The following CCDC33 variants were observed in gnomAD, a reference collection of about 807,000 sequenced individuals.
The protein encoded by CCDC33 is coiled-coil domain containing 33, also known as coiled-coil domain-containing protein 33.
CCDC33 carries 94 observed loss-of-function variants against 91.9 expected under a neutral mutation model. That is an observed-to-expected ratio of 1.02 (90% CI 0.87 to 1.21). The LOEUF (loss-of-function observed/expected upper bound fraction) is 1.21, where lower values mean the gene tolerates loss of function less well. CCDC33 is among the 50% of genes most tolerant of loss of function. The pLI is 0.00. For synonymous variants in CCDC33, 396 were observed against 374.5 expected, an observed-to-expected ratio of 1.06 and a Z score of -0.66; for missense variants, 940 against 935.5, an observed-to-expected ratio of 1.00 and a Z score of -0.06.
intron 1 of CCDC33, chr15:74,207,561 C>A: frequency 1.2e-6 from 1 of 823,342 alleles, no homozygotes; most frequent in Non-Finnish European, 1.9e-6. Flanking sequence ...CCCATCTCAG[C>A]CCTTGACTCT....
chr15:74,282,056 C>T (rs1397639375), intron 10 of CCDC33, among the ~76,000 whole-genome samples: 2 of 152,194 alleles, frequency 1.3e-5, no homozygotes, highest in Non-Finnish European at 2.9e-5. Context: ...CAGAGGGCCA[C>T]CCAGACCTTG....
intron 10 of CCDC33, among the ~76,000 whole-genome samples, chr15:74,284,028 T>G (rs1290928934): frequency 6.6e-6 from 1 of 152,248 alleles, no homozygotes; most frequent in Non-Finnish European, 1.5e-5. Flanking sequence ...GAACTATTTC[T>G]TGGTAAACTA....
At position 74,226,866 on chromosome 15, in the gene CCDC33, G is replaced by A. The variant is rs531117766; in HGVS notation, c.675+8005G>A. On this transcript the variant is annotated intron_variant, in intron 2 of 2. Transcript: ENST00000635913. ...AAAGGTGGAGGACAGTGTGAGCAAA[G>A]GCGTGGAGGTATTCGAGGGACAAGC... 2.0e-5 allele frequency among the ~76,000 whole-genome samples: 3 copies of A among 152,054 alleles called. No homozygotes were observed. In the East Asian group the frequency reaches 5.8e-4, roughly 29 times the overall value.
At chr15:74,305,504 A>G (rs1269046783) in intron 11 of CCDC33, among the ~76,000 whole-genome samples, 1 of 152,150 alleles carries the variant, frequency 6.6e-6, no homozygotes, top group Non-Finnish European at 1.5e-5. Flanking sequence ...ACAGCATGAA[A>G]AGGAGCATCA....
chr15:74,309,390 C>A (rs80066185), intron 11 of CCDC33, among the ~76,000 whole-genome samples: 1 of 152,196 alleles, frequency 6.6e-6, no homozygotes, highest in Non-Finnish European at 1.5e-5. Context: ...AGTGTGTGCT[C>A]ACTGAATGCA....
chr15:74,204,952 G>T (rs576527624), intron 1 of CCDC33, among the ~76,000 whole-genome samples: 5 of 152,100 alleles, frequency 3.3e-5, no homozygotes, highest in South Asian at 4.2e-4. Context: ...AAGAAAGAAA[G>T]AAAGAAAAGA....
chr15:74,334,527 G>A (rs751368291), intron 17 of CCDC33, among the ~76,000 whole-genome samples: 1 of 149,826 alleles, frequency 6.7e-6, no homozygotes, highest in East Asian at 1.9e-4. Context: ...TGCAGCCAGG[G>A]TTAGGATTCA....
intron 10 of CCDC33, among the ~76,000 whole-genome samples, chr15:74,287,098 G>A (rs1478474917): frequency 6.6e-6 from 1 of 152,138 alleles, no homozygotes; most frequent in African/African-American, 2.4e-5. Flanking sequence ...TGGATTTTTT[G>A]TAAGCCACAC....
intron 6 of CCDC33, among the ~76,000 whole-genome samples, chr15:74,272,270 T>A (rs1035371369): frequency 6.6e-6 from 1 of 152,162 alleles, no homozygotes; most frequent in African/African-American, 2.4e-5. Context: ...TTCACAGCCT[T>A]TAGCCCTGCC....
Position 74,283,169 on chromosome 15 carries a change from C to G in CCDC33, c.1095+1320C>G, listed in dbSNP as rs559810139. Among the ~76,000 whole-genome samples, 6 of 152,286 alleles carry G rather than the reference C, an allele frequency of 3.9e-5. No homozygotes were observed. In the East Asian group the frequency reaches 1.2e-3, roughly 29 times the overall value. On this transcript the variant is annotated intron_variant, in intron 10 of 18. Transcript: ENST00000398814. The stretch of plus-strand genomic sequence containing the variant: ...CCTGCTATAGGTGTTCAGGATTGCC[C>G]TCTCAAGGGTAGAAGCAACAAACCC...
At chr15:74,304,936 G>A (rs550496946) in intron 11 of CCDC33, among the ~76,000 whole-genome samples, 1 of 137,196 alleles carries the variant, frequency 7.3e-6, no homozygotes, top group African/African-American at 2.5e-5. Context: ...ACCTGCTTCT[G>A]CTTCTTCTTC....
intron 5 of CCDC33, 37 bp downstream of exon 5, chr15:74,268,495 G>GGT: frequency 7.1e-7 from 1 of 1,412,834 alleles, no homozygotes; most frequent in Admixed American, 1.7e-5. Flanking sequence ...GGTGGTGGGG[G>GGT]TGGGAAAGGG....
intron 2 of CCDC33, among the ~76,000 whole-genome samples, chr15:74,219,617 G>A (rs1213184271): frequency 6.6e-6 from 1 of 152,214 alleles, no homozygotes; most frequent in Non-Finnish European, 1.5e-5. Flanking sequence ...GAGAGTTCTG[G>A]TGAGGGATTG....
Position 74,330,667 on chromosome 15 carries a change from C to G in CCDC33, c.1461C>G (p.Ser487=). 1 of 1,612,918 alleles carries G rather than the reference C, an allele frequency of 6.2e-7. No homozygotes were observed. Among genetic ancestry groups the G allele is most frequent in the African/African-American group, 1.3e-5 (1 of 74,998 alleles). The change falls in exon 13 of 19, where the codon TCC becomes TCG. Residue 487 remains serine (S), a synonymous_variant. Coordinates refer to ENST00000398814, the MANE Select transcript of CCDC33 (RefSeq NM_025055.5). ...GCTCCCCAACCCACCTAACAGTGTC[C>G]ATGAAGCAGAAACTGCTGCTGAGTG... is the stretch of plus-strand genomic sequence containing the variant. ...GKASEAQNTV[S]MKQKLLLSEL...
chr15:74,300,759 A>G (rs565264787), intron 11 of CCDC33: 1 of 152,700 alleles, frequency 6.5e-6, no homozygotes, highest in Admixed American at 6.5e-5. Context: ...TCTCTGTGCA[A>G]TGCTGCCTGC....
At chr15:74,324,759 GC>G (rs144091292) in intron 11 of CCDC33, among the ~76,000 whole-genome samples, 6,114 of 150,772 alleles carry the variant, frequency 0.041, 346 homozygotes, top group African/African-American at 0.12. Context: ...CTGAGGCCCT[GC>G]AGGTACCTCA....
Position 74,312,636 on chromosome 15 carries a change from C to A in CCDC33, c.1290+16688C>A, listed in dbSNP as rs186092914. Reference sequence around the variant, plus strand: ...ACTTGTTGGCGCCATCTGTTCTTTTCATGTGTCCTTATCAGGAGTGTGTGC... The same window carrying A: ...ACTTGTTGGCGCCATCTGTTCTTTTAATGTGTCCTTATCAGGAGTGTGTGC... On this transcript the variant is annotated intron_variant, in intron 11 of 18. Coordinates refer to ENST00000398814, the MANE Select transcript of CCDC33 (RefSeq NM_025055.5). Among the ~76,000 whole-genome samples, 6 of 152,342 alleles carry A rather than the reference C, an allele frequency of 3.9e-5. No homozygotes were observed. The East Asian group carries it at 1.2e-3, about 29-fold the overall frequency.
At position 74,226,507 on chromosome 15, in the gene CCDC33, G is replaced by A. The variant is rs547659899; in HGVS notation, c.675+7646G>A. ...TGCACCCTGCCTCTATGGTGGGGTGGGATTCCAGCAGAGAGTGGGGAGAAT... is the reference window on the plus strand; with the variant it reads ...TGCACCCTGCCTCTATGGTGGGGTGAGATTCCAGCAGAGAGTGGGGAGAAT... On this transcript the variant is annotated intron_variant, in intron 2 of 2. Coordinates refer to the CCDC33 transcript ENST00000635913. Among the ~76,000 whole-genome samples the A allele has an allele frequency of 1.6e-3, 244 of 152,200 alleles. 5 individuals are homozygous for A. Among genetic ancestry groups the A allele is most frequent in the Non-Finnish European group, 2.0e-3 (134 of 68,008 alleles).
Position 74,271,742 on chromosome 15 carries a change from C to G in CCDC33, c.586C>G (p.Pro196Ala). 1 of 1,613,942 alleles carries G rather than the reference C, an allele frequency of 6.2e-7. No homozygotes were observed. Among genetic ancestry groups the G allele is most frequent in the Non-Finnish European group, 8.5e-7 (1 of 1,179,866 alleles). ...AGTCAACGAGCCCCTGGCCAACAACCCCAACCCCATAGTGGTGATTGCCCG... is the reference window on the plus strand; with the variant it reads ...AGTCAACGAGCCCCTGGCCAACAACGCCAACCCCATAGTGGTGATTGCCCG... ...RGVNEPLANN[P>A]NPIVVIARVV... The change falls in exon 6 of 19, where the codon CCC becomes GCC. Residue 196 changes from proline (P) to alanine (A), a missense_variant. By Grantham distance (27) the Pro-to-Ala change is conservative. Coordinates refer to ENST00000398814, the MANE Select transcript of CCDC33 (RefSeq NM_025055.5).
Sources: gnomAD v4.1 joint callset for allele counts (sites outside exome capture counted in the v4.1 genomes callset) on GRCh38, gnomAD v4.1.1 for gene constraint, MANE v1.5 for transcripts, NCBI Gene and HGNC (gene_info 2026-07-23, HGNC 2026-07-21) for gene names.